Variants in CNOT3 observed in about 807,000 individuals in gnomAD.
CNOT3 encodes CCR4-NOT transcription complex subunit 3.
In CNOT3, 2 loss-of-function variants were observed where a neutral mutation model predicts 89.4. The observed-to-expected ratio is 0.02, with a 90% confidence interval of 0.01 to 0.07. The LOEUF (loss-of-function observed/expected upper bound fraction) is 0.07, where lower values mean the gene tolerates loss of function less well. CNOT3 is among the 10% of genes least tolerant of loss of function. CNOT3 has a pLI of 1.00. For synonymous variants in CNOT3, 486 were observed against 402.0 expected, an observed-to-expected ratio of 1.21 and a Z score of -2.50; for missense variants, 664 against 1,010.2, an observed-to-expected ratio of 0.66 and a Z score of 4.65.
Position 54,152,594 on chromosome 19 carries a change from C to G in CNOT3, c.1872C>G (p.His624Gln), listed in dbSNP as rs372718074. 2 of 1,613,664 alleles carry G rather than the reference C, an allele frequency of 1.2e-6. No individual in the cohort carries two copies. The highest frequency in any genetic ancestry group is 2.7e-5 in the African/African-American group (2 of 74,946). ...QQAMEEAAWHHMPHPSDSERI... is the reference protein window; with the variant it reads ...QQAMEEAAWHQMPHPSDSERI... Reference sequence around the variant, plus strand: ...CCATGGAAGAGGCCGCCTGGCACCACATGCCTCACCCCTCTGACTCTGAGC... The same window carrying G: ...CCATGGAAGAGGCCGCCTGGCACCAGATGCCTCACCCCTCTGACTCTGAGC... The change falls in exon 15 of 18, where the codon CAC becomes CAG. Residue 624 changes from histidine (H) to glutamine (Q), a missense_variant. Physicochemically the swap from His to Gln is conservative, Grantham distance 24. This residue lies in a region of CNOT3 where 545 missense variants were observed against 566.2 expected (regional missense o/e 0.96). Coordinates refer to ENST00000221232, the MANE Select transcript of CNOT3 (RefSeq NM_014516.4).
Position 54,145,935 on chromosome 19 carries a change from C to A in CNOT3, c.729C>A (p.Pro243=), listed in dbSNP as rs36665. The A allele has an allele frequency of 4.3e-5, 70 of 1,613,940 alleles. No individual in the cohort carries two copies. Among genetic ancestry groups the A allele is most frequent in the East Asian group, 6.7e-5 (3 of 44,870 alleles). Residue 243 remains proline (P), a synonymous_variant, in exon 9 of 18, where the codon CCC becomes CCA. Coordinates refer to ENST00000221232, the MANE Select transcript of CNOT3 (RefSeq NM_014516.4). This position sits in a 1 kb window ranked among gnomAD's most constrained non-coding sequence, Gnocchi z 5.9. ...CACAGGCGCTGGTCGCCACCTCCCC[C>A]CCCAGCCACAGCCACATGGAGGATG... ...DIPQALVATS[P]PSHSHMEDEI...
At chr19:54,153,973 C>T (rs995767508) in intron 17 of CNOT3, 133 bp downstream of exon 17, 12 of 1,139,854 alleles carry the variant, frequency 1.1e-5, no homozygotes, top group Non-Finnish European at 1.6e-5. Context: ...TGACCAAGTA[C>T]TCCTCCCTCT....
chr19:54,139,554 G>T (rs1327779365), intron 1 of CNOT3, among the ~76,000 whole-genome samples: 1 of 152,106 alleles, frequency 6.6e-6, no homozygotes, highest in Non-Finnish European at 1.5e-5. Context: ...CAGGGATAAG[G>T]TTCTTGCCAT....
In CNOT3 at chr19:54,146,643, A is replaced by G; in HGVS notation, c.880A>G (p.Ser294Gly). Residue 294 changes from serine to glycine, a missense_variant, in exon 10 of 18, where the codon AGT becomes GGT. Around this residue, in one of 8 missense-constraint regions of CNOT3, gnomAD observed 545 missense variants for 566.2 expected, o/e 0.96. Coordinates refer to ENST00000221232, the MANE Select transcript of CNOT3 (RefSeq NM_014516.4). ...TAAGAAGAGGGGACGTTCCACAGAC[A>G]GTGAAGTCAGCCAGGTGGGTGTGAG... The part of the protein sequence containing the change: ...DDKKRGRSTD[S>G]EVSQSPAKNG... 1 of 1,562,910 alleles carries G rather than the reference A, an allele frequency of 6.4e-7. No homozygotes were observed. Among genetic ancestry groups the G allele is most frequent in the Non-Finnish European group, 8.8e-7 (1 of 1,133,374 alleles).
chr19:54,146,803 C>T lies in CNOT3; in HGVS notation c.894+146C>T. 3 of 682,420 alleles carry T rather than the reference C, an allele frequency of 4.4e-6. No homozygotes were observed. In the South Asian group the frequency reaches 4.9e-5, roughly 11 times the overall value. 42.3% of individuals were successfully genotyped at this position (682,420 alleles called of 1,614,324 possible). ...CAGTGCTGCCCTGAGGGCAGGTGGGCAGGGCAAGTGGACAGGTGACTGGTG... is the reference window on the plus strand; with the variant it reads ...CAGTGCTGCCCTGAGGGCAGGTGGGTAGGGCAAGTGGACAGGTGACTGGTG... On this transcript the variant is annotated intron_variant, in intron 10 of 17. Coordinates refer to ENST00000221232, the MANE Select transcript of CNOT3 (RefSeq NM_014516.4).
In CNOT3 at chr19:54,152,408, G is replaced by A. The variant is rs1257770428; in HGVS notation, c.1706-20G>A. 6.2e-7 allele frequency: 1 copy of A among 1,613,826 alleles called. No homozygotes were observed. Among genetic ancestry groups the A allele is most frequent in the East Asian group, 2.2e-5 (1 of 44,868 alleles). ...CCCATCCTCACCACTGAGGGGGCCG[G>A]ACCCCCACCCTCCCCACAGACATCA... On this transcript the variant is annotated intron_variant, in intron 14 of 17. Coordinates refer to ENST00000221232, the MANE Select transcript of CNOT3 (RefSeq NM_014516.4).
intron 17 of CNOT3, chr19:54,154,334 T>G: frequency 3.5e-6 from 1 of 288,730 alleles, no homozygotes; most frequent in South Asian, 3.3e-5. Flanking sequence ...GCAAACACTC[T>G]GGAACCAACC....
intron 12 of CNOT3, 138 bp from the exon 13 acceptor site, chr19:54,149,418 TTCTC>T (rs2074917572): frequency 1.9e-6 from 1 of 516,410 alleles, no homozygotes; most frequent in Admixed American, 3.7e-5. Context: ...AACCACTTCT[TTCTC>T]CCATCTGTCT....
intron 17 of CNOT3, chr19:54,154,775 C>T (rs2075323630): frequency 6.5e-6 from 1 of 153,594 alleles, no homozygotes; most frequent in Non-Finnish European, 1.4e-5. Flanking sequence ...CTGTCCTTTC[C>T]TGGTTTGGCC....
At position 54,144,218 on chromosome 19, in the gene CNOT3, C is replaced by T. The variant is rs1302308786; in HGVS notation, c.388-19C>T. The stretch of plus-strand genomic sequence containing the variant: ...CGGAACCCTAGCTGATGGGCTTCCT[C>T]TTCCTCTCCCTCCCCTAGAATACCA... On this transcript the variant is annotated intron_variant, in intron 6 of 17. Coordinates refer to ENST00000221232, the MANE Select transcript of CNOT3 (RefSeq NM_014516.4). The surrounding 1 kb of genome is among the most constrained non-coding windows in gnomAD (Gnocchi z 4.8). The T allele has an allele frequency of 6.2e-7, 1 of 1,613,818 alleles. No homozygotes were observed. Among genetic ancestry groups the T allele is most frequent in the Middle Eastern group, 1.7e-4 (1 of 6,060 alleles).
At position 54,149,119 on chromosome 19, in the gene CNOT3, C is replaced by T. The variant is rs587603762; in HGVS notation, c.1406+376C>T. On this transcript the variant is annotated intron_variant, in intron 12 of 17. Transcript: ENST00000221232. ...AGTCCTTATTCCTCTGCAGCCACTC[C>T]TTCAAATCTTAGCTCAGACCATTCC... Among the ~76,000 whole-genome samples, 60 of 152,328 alleles carry T rather than the reference C, an allele frequency of 3.9e-4. 1 individual carries two copies. The South Asian group carries it at 0.012, about 30-fold the overall frequency.
At chr19:54,147,598 C>G (rs36663) in intron 10 of CNOT3, among the ~76,000 whole-genome samples, 41,558 of 152,110 alleles carry the variant, frequency 0.27, 6,035 homozygotes, top group East Asian at 0.46. Context: ...CTCAGCAGCC[C>G]GAGTGCTGTC....
In CNOT3 at chr19:54,145,889, G is replaced by A; in HGVS notation, c.704-21G>A. 6.2e-7 allele frequency: 1 copy of A among 1,612,790 alleles called. No homozygotes were observed. The highest frequency in any genetic ancestry group is 1.7e-4 in the Middle Eastern group (1 of 6,056). ...TGGGCTGTGTGAGCCAGCTAAGCAT[G>A]CCCTTCTTCTGCCCCCACAGCACAG... On this transcript the variant is annotated intron_variant, in intron 8 of 17. Transcript: ENST00000221232. The surrounding 1 kb of genome is among the most constrained non-coding windows in gnomAD (Gnocchi z 5.9).
At chr19:54,142,243 T>G (rs1254934788) in intron 1 of CNOT3, 1 of 152,522 alleles carries the variant, frequency 6.6e-6, no homozygotes, top group Non-Finnish European at 1.5e-5. Context: ...ATTAGCTTCT[T>G]TGGGTTAGGA....
At chr19:54,142,447 C>CACACACACACACACACAA in intron 1 of CNOT3, 1 of 238,218 alleles carries the variant, frequency 4.2e-6, no homozygotes, top group Non-Finnish European at 8.4e-6. Context: ...CACACACACA[C>CACACACACACACACACAA]ACACGCCCTT....
intron 16 of CNOT3, 91 bp downstream of exon 16, chr19:54,153,090 C>T (rs2075217389): frequency 7.1e-7 from 1 of 1,405,592 alleles, no homozygotes; most frequent in East Asian, 2.3e-5. Flanking sequence ...GAGGTGGGTG[C>T]CCCACTGCGG....
chr19:54,142,650 C>G, intron 1 of CNOT3: 1 of 543,266 alleles, frequency 1.8e-6, no homozygotes, highest in South Asian at 2.1e-5. Context: ...GGAGAAGGTA[C>G]TCCATGCTCT....
chr19:54,151,480 G>A (rs1196179325), intron 13 of CNOT3, among the ~76,000 whole-genome samples: 1 of 152,144 alleles, frequency 6.6e-6, no homozygotes, highest in Non-Finnish European at 1.5e-5. Context: ...GAGGCGGGAG[G>A]ATAGCTTGAG....
rs1214047128 is a variant in CNOT3, at chr19:54,148,120, C to T, written c.895-28C>T. 5 of 1,442,250 alleles carry T rather than the reference C, an allele frequency of 3.5e-6. No individual in the cohort carries two copies. The East Asian group carries it at 1.1e-4, about 31-fold the overall frequency. 89.3% of individuals were successfully genotyped at this position (1,442,250 alleles called of 1,614,324 possible). The stretch of plus-strand genomic sequence containing the variant: ...GGGAGACCAGCTGGCCCACTGGGTC[C>T]TGACCCTCTGCTCTCTCCCACCCGC... On this transcript the variant is annotated intron_variant, in intron 10 of 17. Transcript: ENST00000221232. The surrounding 1 kb of genome is among the most constrained non-coding windows in gnomAD (Gnocchi z 6.3).
Sources: allele counts gnomAD v4.1 joint callset (sites outside exome capture counted in the v4.1 genomes callset), GRCh38; gene constraint gnomAD v4.1.1; regional missense constraint gnomAD v4.1.1; non-coding constraint Gnocchi (gnomAD v3.1); transcripts MANE v1.5; gene names NCBI Gene and HGNC (gene_info 2026-07-23, HGNC 2026-07-21).